LTBP1: variants seen among roughly 807,000 people sequenced by gnomAD.
The protein encoded by LTBP1 is latent-transforming growth factor beta-binding protein 1.
LTBP1 carries 129 observed loss-of-function variants against 207.6 expected under a neutral mutation model. That is an observed-to-expected ratio of 0.62 (90% CI 0.54 to 0.72). The LOEUF (loss-of-function observed/expected upper bound fraction) is 0.72, where lower values mean the gene tolerates loss of function less well. LTBP1 is among the 30% of genes least tolerant of loss of function. The pLI, the probability that LTBP1 is intolerant of heterozygous loss-of-function variation, is 0.00. For synonymous variants in LTBP1, 963 were observed against 833.7 expected (o/e 1.16, Z -2.67); for missense variants, 2,281 against 2,217.2 (o/e 1.03, Z -0.58).
Position 33,087,005 on chromosome 2 carries a change from T to C in LTBP1, c.864-23577T>C, listed in dbSNP as rs1488267742. Reference sequence around the variant, plus strand: ...GGGCACTTGATCACAGAGATTATTCTTAGAGTCTTCTTTGGTGTCCAATTT... The same window carrying C: ...GGGCACTTGATCACAGAGATTATTCCTAGAGTCTTCTTTGGTGTCCAATTT... On this transcript the variant is annotated intron_variant, in intron 3 of 33. Coordinates refer to ENST00000404816, the MANE Select transcript of LTBP1 (RefSeq NM_206943.4). Among the ~76,000 whole-genome samples, 65 of 152,002 alleles carry C rather than the reference T, an allele frequency of 4.3e-4. 1 individual carries two copies. The highest frequency in any genetic ancestry group is 1.4e-3 in the African/African-American group (60 of 41,470).
chr2:32,996,589 A>G (rs868275851), intron 2 of LTBP1, among the ~76,000 whole-genome samples: 1 of 152,146 alleles, frequency 6.6e-6, no homozygotes, highest in African/African-American at 2.4e-5. Context: ...TACAAAGTAG[A>G]GTGGTTGCTG....
chr2:33,049,542 T>C (rs1263552764), intron 3 of LTBP1, among the ~76,000 whole-genome samples: 1 of 152,122 alleles, frequency 6.6e-6, no homozygotes, highest in African/African-American at 2.4e-5. Flanking sequence ...ATTAAAAAAA[T>C]GAAACCCATT....
intron 9 of LTBP1, among the ~76,000 whole-genome samples, chr2:33,233,154 C>A (rs944311940): frequency 6.6e-5 from 10 of 152,106 alleles, no homozygotes; most frequent in African/African-American, 2.4e-4. Flanking sequence ...TGCTTTTCTG[C>A]TGAAACTCTC....
At chr2:33,141,965 G>C (rs1447581882) in intron 5 of LTBP1, among the ~76,000 whole-genome samples, 1 of 152,144 alleles carries the variant, frequency 6.6e-6, no homozygotes, top group Non-Finnish European at 1.5e-5. Flanking sequence ...TACAGTCCTG[G>C]AATTCTTGCA....
intron 15 of LTBP1, among the ~76,000 whole-genome samples, chr2:33,266,377 A>T (rs983668678): frequency 1.3e-5 from 2 of 152,082 alleles, no homozygotes; most frequent in African/African-American, 4.8e-5. Flanking sequence ...TGTGGACAAC[A>T]TGTTGATGGA....
At chr2:33,163,661 T>C (rs2084658908) in intron 5 of LTBP1, among the ~76,000 whole-genome samples, 1 of 152,318 alleles carries the variant, frequency 6.6e-6, no homozygotes, top group Admixed American at 6.5e-5. Flanking sequence ...GTGTGTTATA[T>C]ATATGTAACA....
At chr2:32,964,701 T>G (rs2148483250) in intron 2 of LTBP1, among the ~76,000 whole-genome samples, 1 of 152,266 alleles carries the variant, frequency 6.6e-6, no homozygotes, top group East Asian at 1.9e-4. Flanking sequence ...ACCTAAATAC[T>G]AAGTAAATCA....
At chr2:33,243,204 G>C (rs1390636556) in intron 9 of LTBP1, among the ~76,000 whole-genome samples, 1 of 152,178 alleles carries the variant, frequency 6.6e-6, no homozygotes, top group Non-Finnish European at 1.5e-5. Flanking sequence ...TGTCTGTATA[G>C]GCAATTTCAT....
intron 3 of LTBP1, among the ~76,000 whole-genome samples, chr2:33,044,018 C>T (rs1048348550): frequency 1.3e-5 from 2 of 150,578 alleles, no homozygotes; most frequent in African/African-American, 4.9e-5. Context: ...ACTCTATATT[C>T]ACAGTATAGA....
intron 4 of LTBP1, among the ~76,000 whole-genome samples, chr2:33,131,615 G>A (rs114662170): frequency 0.012 from 1,890 of 152,314 alleles, 42 homozygotes; most frequent in African/African-American, 0.044. Flanking sequence ...TAATGAAGAA[G>A]TAAGTGCTTC....
intron 2 of LTBP1, among the ~76,000 whole-genome samples, chr2:32,958,741 GTTTTTCTTTCCTGC>G (rs2148378510): frequency 6.6e-6 from 1 of 152,258 alleles, no homozygotes; most frequent in South Asian, 2.1e-4. Flanking sequence ...ATTTCCACTT[GTTTTTCTTTCCTGC>G]TTTTTCTCTC....
chr2:33,154,569 A>G (rs1305087071), intron 5 of LTBP1, among the ~76,000 whole-genome samples: 6 of 152,224 alleles, frequency 3.9e-5, no homozygotes, highest in African/African-American at 1.4e-4. Context: ...CTGGCATATA[A>G]TATAACTTAT....
chr2:33,015,669 A>G (rs570074015), intron 2 of LTBP1, among the ~76,000 whole-genome samples: 1 of 152,348 alleles, frequency 6.6e-6, no homozygotes, highest in East Asian at 1.9e-4. Flanking sequence ...TCACACTGCT[A>G]TAAAGAAATG....
chr2:33,061,065 G>T (rs78519153), intron 3 of LTBP1, among the ~76,000 whole-genome samples: 2,009 of 152,164 alleles, frequency 0.013, 45 homozygotes, highest in African/African-American at 0.046. Context: ...AACTTTGAGG[G>T]ATGATTATGG....
At chr2:32,952,346 C>T (rs1259327272) in intron 2 of LTBP1, among the ~76,000 whole-genome samples, 4 of 152,210 alleles carry the variant, frequency 2.6e-5, no homozygotes, top group African/African-American at 9.6e-5. Flanking sequence ...GCTGTAGCTG[C>T]CCAGTCACAA....
chr2:33,315,194 C>A lies in LTBP1; in HGVS notation c.3655C>A (p.Leu1219Ile). The A allele has an allele frequency of 6.2e-7, 1 of 1,613,274 alleles. No homozygotes were observed. Among genetic ancestry groups the A allele is most frequent in the Non-Finnish European group, 8.5e-7 (1 of 1,179,706 alleles). Reference protein sequence around the residue: ...PGLCGPQGECLNTEGSFHCVC... With the variant: ...PGLCGPQGECINTEGSFHCVC... Reference sequence around the variant, plus strand: ...GCTCTGTGGTCCGCAAGGGGAGTGCCTAAACACAGAGGGTTCTTTCCATTG... The same window carrying A: ...GCTCTGTGGTCCGCAAGGGGAGTGCATAAACACAGAGGGTTCTTTCCATTG... The change falls in exon 24 of 34, where the codon CTA becomes ATA. Residue 1219 changes from leucine to isoleucine, a missense_variant. Physicochemically the swap from Leu to Ile is conservative, Grantham distance 5. Transcript: ENST00000404816.
chr2:33,270,001 T>C (rs956597688), intron 15 of LTBP1, among the ~76,000 whole-genome samples: 2 of 149,788 alleles, frequency 1.3e-5, no homozygotes, highest in Non-Finnish European at 3.0e-5. Context: ...AGTCTCGCCC[T>C]GTCACTCAGG....
intron 19 of LTBP1, among the ~76,000 whole-genome samples, chr2:33,289,840 G>T (rs776486127): frequency 2.6e-5 from 4 of 152,142 alleles, no homozygotes; most frequent in Non-Finnish European, 4.4e-5. Flanking sequence ...AAAACCAGAG[G>T]CATAATCATC....
chr2:33,112,395 A>G (rs1327661143), intron 4 of LTBP1, among the ~76,000 whole-genome samples: 1 of 152,218 alleles, frequency 6.6e-6, no homozygotes, highest in East Asian at 1.9e-4. Context: ...TAAGTTTCTT[A>G]TCTGTTCTGT....
Sources: gnomAD v4.1 joint callset for allele counts (sites outside exome capture counted in the v4.1 genomes callset) on GRCh38, gnomAD v4.1.1 for gene constraint, MANE v1.5 for transcripts, NCBI Gene and HGNC (gene_info 2026-07-23, HGNC 2026-07-21) for gene names.